LRRC17: variants seen among roughly 807,000 people sequenced by gnomAD.
LRRC17 encodes the protein leucine-rich repeat-containing protein 17.
LRRC17 carries 33 observed loss-of-function variants against 41.5 expected under a neutral mutation model. That is an observed-to-expected ratio of 0.80 (90% confidence interval 0.60 to 1.06). The LOEUF (loss-of-function observed/expected upper bound fraction) is 1.06. Among genes scored for constraint, LRRC17 ranks in the 50% least tolerant of loss-of-function variants. The pLI is 0.00. For missense variants in LRRC17, 491 were observed against 519.3 expected (o/e 0.95, Z 0.53); for synonymous variants, 192 against 197.0 (o/e 0.97, Z 0.21).
rs140631715 is a variant in LRRC17, at chr7:102,921,021, G to A, written c.-141+7876G>A. On this transcript the variant is annotated intron_variant, in intron 1 of 3. Transcript: ENST00000339431. Reference sequence around the variant, plus strand: ...ACAAATATTAGCCTGGCGTGGTGGCGGGCACCTGTAATCCCAGCTACTCGG... The same window carrying A: ...ACAAATATTAGCCTGGCGTGGTGGCAGGCACCTGTAATCCCAGCTACTCGG... Among the ~76,000 whole-genome samples, 579 of 151,922 alleles carry A rather than the reference G, an allele frequency of 3.8e-3. 5 individuals are homozygous for A. The highest frequency in any genetic ancestry group is 0.014 in the African/African-American group (563 of 41,440).
intron 1 of LRRC17, among the ~76,000 whole-genome samples, chr7:102,921,451 G>A (rs991512566): frequency 4.6e-5 from 7 of 152,058 alleles, no homozygotes; most frequent in African/African-American, 1.7e-4. Context: ...AGGCCGAAGT[G>A]GGTGGATCAC....
At chr7:102,937,000 T>C (rs961236319) in intron 2 of LRRC17, among the ~76,000 whole-genome samples, 7 of 152,208 alleles carry the variant, frequency 4.6e-5, no homozygotes, top group Non-Finnish European at 7.4e-5. Context: ...CTTCAACTTA[T>C]TGTTGTGTAA....
intron 1 of LRRC17, among the ~76,000 whole-genome samples, chr7:102,914,350 C>CA (rs1815398339): frequency 6.6e-6 from 1 of 152,222 alleles, no homozygotes; most frequent in Non-Finnish European, 1.5e-5. Flanking sequence ...TCGGAACAGG[C>CA]ATGAGCCACC....
In LRRC17 at chr7:102,929,397, C is replaced by T. The variant is rs191206361; in HGVS notation, c.-140-4377C>T. Among the ~76,000 whole-genome samples, 188 of 152,290 alleles carry T rather than the reference C, an allele frequency of 1.2e-3. 3 individuals are homozygous for T. Among genetic ancestry groups the T allele is most frequent in the Admixed American group, 6.9e-3 (105 of 15,292 alleles). On this transcript the variant is annotated intron_variant, in intron 1 of 3. Coordinates refer to ENST00000339431, the MANE Select transcript of LRRC17 (RefSeq NM_001031692.3). ...ATTCTGTCAGCTGGGTGCGGTGTCTCACGCCTGTAATCCCAGCACTTTGGG... is the reference window on the plus strand; with the variant it reads ...ATTCTGTCAGCTGGGTGCGGTGTCTTACGCCTGTAATCCCAGCACTTTGGG...
Position 102,913,159 on chromosome 7 carries a change from T to C in LRRC17, c.-141+14T>C. On this transcript the variant is annotated intron_variant, in intron 1 of 3. Transcript: ENST00000339431. ...CCCCAAGTTCAGGTACTGTAAGCCTTTGTCTGTGAACCGTCTGCAATAAGC... is the reference window on the plus strand; with the variant it reads ...CCCCAAGTTCAGGTACTGTAAGCCTCTGTCTGTGAACCGTCTGCAATAAGC... 1 of 1,614,120 alleles carries C rather than the reference T, an allele frequency of 6.2e-7. No individual in the cohort carries two copies. Among genetic ancestry groups the C allele is most frequent in the Non-Finnish European group, 8.5e-7 (1 of 1,180,020 alleles).
At chr7:102,913,599 C>T (rs1158596268) in intron 1 of LRRC17, among the ~76,000 whole-genome samples, 1 of 151,830 alleles carries the variant, frequency 6.6e-6, no homozygotes, top group Admixed American at 6.6e-5. Context: ...CTCTGGAGTA[C>T]CAAAATAATG....
Position 102,913,091 on chromosome 7 carries a change from T to G in LRRC17, c.-195T>G, listed in dbSNP as rs745670997. On this transcript the variant is annotated 5_prime_UTR_variant, in exon 1 of 4. Coordinates refer to ENST00000339431, the MANE Select transcript of LRRC17 (RefSeq NM_001031692.3). ...GAGAAGACTGAAAGACAAACCTGGG[T>G]GCAGCCAGAGAGGTCCAGATAGATG... 1.2e-6 allele frequency: 2 copies of G among 1,614,082 alleles called. No homozygotes were observed. Among genetic ancestry groups the G allele is most frequent in the Admixed American group, 1.7e-5 (1 of 60,006 alleles).
In LRRC17 at chr7:102,939,453, A is replaced by G; in HGVS notation, c.796A>G (p.Ile266Val). Residue 266 changes from isoleucine (I) to valine (V), a missense_variant, in exon 3 of 4, where the codon ATC becomes GTC. Physicochemically the swap from Ile to Val is conservative, Grantham distance 29. Transcript: ENST00000339431. ...RKELKKVPNN[I>V]PPDIVKLDLS... ...AGAGTTGAAAAAAGTGCCAAACAAC[A>G]TCCCTCCAGATATTGTTAAACTTGA... 1 of 1,608,916 alleles carries G rather than the reference A, an allele frequency of 6.2e-7. No homozygotes were observed. Among genetic ancestry groups the G allele is most frequent in the Non-Finnish European group, 8.5e-7 (1 of 1,178,706 alleles).
At chr7:102,928,066 A>G (rs904812529) in intron 1 of LRRC17, among the ~76,000 whole-genome samples, 15 of 152,356 alleles carry the variant, frequency 9.8e-5, no homozygotes, top group Admixed American at 8.5e-4. Flanking sequence ...TTTATGTATC[A>G]TAAAGAAATC....
rs374170254 is a variant in LRRC17 at position 102,934,104 on chromosome 7, A to C, written c.191A>C (p.Tyr64Ser). The C allele has an allele frequency of 5.9e-5, 95 of 1,614,040 alleles. No homozygotes were observed. The highest frequency in any genetic ancestry group is 7.4e-5 in the Non-Finnish European group (87 of 1,179,970). The change falls in exon 2 of 4, where the codon TAC becomes TCC. Residue 64 changes from tyrosine (Y) to serine (S), a missense_variant. Transcript: ENST00000339431. ...GTGTACACATATCTCCATGAGAAAT[A>C]CTTAGATTGTCAAGAAAGAAAATTA... ...CDVYTYLHEK[Y>S]LDCQERKLVY... is the part of the protein sequence containing the mutation.
intron 2 of LRRC17, among the ~76,000 whole-genome samples, chr7:102,936,930 T>C (rs1321575158): frequency 6.6e-6 from 1 of 152,204 alleles, no homozygotes; most frequent in Non-Finnish European, 1.5e-5. Context: ...TTTCCTTTTT[T>C]CCCATATTTT....
At chr7:102,939,290 C>G in intron 2 of LRRC17, 140 bp from the exon 3 acceptor site, 1 of 649,450 alleles carries the variant, frequency 1.5e-6, no homozygotes, top group Non-Finnish European at 2.5e-6. Flanking sequence ...AGGCTTGTTT[C>G]ATACTAACTT....
At chr7:102,935,970 A>C (rs919296918) in intron 2 of LRRC17, among the ~76,000 whole-genome samples, 1 of 152,174 alleles carries the variant, frequency 6.6e-6, no homozygotes, top group Non-Finnish European at 1.5e-5. Context: ...GGCATCCTGA[A>C]CCAGAAGTAA....
At chr7:102,924,459 G>A (rs80205802) in intron 1 of LRRC17, among the ~76,000 whole-genome samples, 7,947 of 152,058 alleles carry the variant, frequency 0.052, 278 homozygotes, top group South Asian at 0.13. Context: ...AAGACTGTGT[G>A]TAAGAGCATC....
chr7:102,924,643 T>TG (rs1817708993), intron 1 of LRRC17, among the ~76,000 whole-genome samples: 1 of 145,126 alleles, frequency 6.9e-6, no homozygotes, highest in Admixed American at 6.9e-5. Context: ...AAGCTTTTCT[T>TG]TTTTTTTTTT....
intron 1 of LRRC17, among the ~76,000 whole-genome samples, chr7:102,919,079 G>A (rs139024994): frequency 6.6e-6 from 1 of 152,260 alleles, no homozygotes; most frequent in African/African-American, 2.4e-5. Flanking sequence ...ACAGCTCATG[G>A]GAGTTGATTG....
intron 1 of LRRC17, among the ~76,000 whole-genome samples, chr7:102,931,704 A>G (rs1221429793): frequency 6.6e-6 from 1 of 152,248 alleles, no homozygotes; most frequent in Non-Finnish European, 1.5e-5. Flanking sequence ...ATACATCTAC[A>G]TGATTAATAT....
At position 102,934,591 on chromosome 7, in the gene LRRC17, G is replaced by A; in HGVS notation, c.678G>A (p.Val226=). The change falls in exon 2 of 4, where the codon GTG becomes GTA. Residue 226 remains valine, a synonymous_variant. Coordinates refer to ENST00000339431, the MANE Select transcript of LRRC17 (RefSeq NM_001031692.3). The part of the protein sequence containing the change: ...EKEQLDPKPQ[V]SGRPPVIKPE... Reference sequence around the variant, plus strand: ...AACAATTGGACCCGAAACCCCAAGTGTCAGGGAGACCCCCAGTCATCAAGC... The same window carrying A: ...AACAATTGGACCCGAAACCCCAAGTATCAGGGAGACCCCCAGTCATCAAGC... The A allele has an allele frequency of 2.5e-6, 4 of 1,614,052 alleles. No homozygotes were observed. The highest frequency in any genetic ancestry group is 2.5e-6 in the Non-Finnish European group (3 of 1,179,984).
intron 1 of LRRC17, among the ~76,000 whole-genome samples, chr7:102,916,007 G>A (rs973196484): frequency 2.7e-5 from 4 of 149,708 alleles, no homozygotes; most frequent in South Asian, 2.1e-4. Flanking sequence ...TGTTTGAGAC[G>A]GAGTCTCACT....
Sources: gnomAD v4.1 joint callset for allele counts (sites outside exome capture counted in the v4.1 genomes callset) on GRCh38, gnomAD v4.1.1 for gene constraint, MANE v1.5 for transcripts, NCBI Gene and HGNC (gene_info 2026-07-23, HGNC 2026-07-21) for gene names.